BCAS3: variants seen among roughly 807,000 people sequenced by gnomAD.
The protein encoded by BCAS3 is BCAS3 microtubule associated cell migration factor.
A neutral mutation model predicts 116.1 loss-of-function variants in BCAS3; 53 were observed. The observed-to-expected ratio is 0.46, with a 90% CI of 0.37 to 0.57. BCAS3 has a LOEUF of 0.57. BCAS3 is among the 20% of genes least tolerant of loss of function. BCAS3 has a pLI of 0.00. For missense variants in BCAS3, 917 were observed against 1,165.4 expected, an observed-to-expected ratio of 0.79 and a Z score of 3.10; for synonymous variants, 391 against 408.2, an observed-to-expected ratio of 0.96 and a Z score of 0.51.
chr17:60,863,419 G>A (rs2054319508), intron 7 of BCAS3, among the ~76,000 whole-genome samples: 1 of 151,862 alleles, frequency 6.6e-6, no homozygotes, highest in South Asian at 2.1e-4. Context: ...AATAAAGCAA[G>A]TCCCGTTAAT....
At chr17:60,999,491 A>G (rs945188400) in intron 15 of BCAS3, among the ~76,000 whole-genome samples, 1 of 150,928 alleles carries the variant, frequency 6.6e-6, no homozygotes, top group Non-Finnish European at 1.5e-5. Flanking sequence ...CAGTGAGCTG[A>G]ATGTTGCAGT....
chr17:60,902,823 A>G, intron 11 of BCAS3, 120 bp downstream of exon 11: 1 of 781,772 alleles, frequency 1.3e-6, no homozygotes, highest in South Asian at 1.8e-5. Flanking sequence ...AATTTTAAAG[A>G]TTTTAAGTCT....
At chr17:60,864,962 T>G (rs551708355) in intron 7 of BCAS3, among the ~76,000 whole-genome samples, 3 of 152,274 alleles carry the variant, frequency 2.0e-5, no homozygotes, top group Admixed American at 6.5e-5. Context: ...ATTTATTGAT[T>G]AAATTTACCG....
chr17:60,709,075 T>G, intron 4 of BCAS3, 144 bp from the exon 5 acceptor site: 4 of 527,016 alleles, frequency 7.6e-6, no homozygotes, highest in Non-Finnish European at 1.4e-5. Context: ...ATGGACAACT[T>G]TGAGAATTCT....
intron 6 of BCAS3, among the ~76,000 whole-genome samples, chr17:60,806,951 T>C (rs1195804204): frequency 2.0e-5 from 3 of 152,170 alleles, no homozygotes; most frequent in Non-Finnish European, 4.4e-5. Flanking sequence ...TTATGTGGAC[T>C]TAGGACTTGA....
rs112810713 is a variant in BCAS3, at chr17:60,994,621, A to G, written c.1486+4386A>G. 0.041 allele frequency among the ~76,000 whole-genome samples: 6,235 copies of G among 152,228 alleles called. 464 individuals carry two copies. The highest frequency in any genetic ancestry group is 0.14 in the African/African-American group (5,853 of 41,504). On this transcript the variant is annotated intron_variant, in intron 15 of 23. Transcript: ENST00000407086. This position sits in a 1 kb window ranked among gnomAD's most constrained non-coding sequence, Gnocchi z 4.4. Reference sequence around the variant, plus strand: ...TTCCTAGAAGGTTAGAAAATGTCCTATCTTATTTCCAGCTTCTTGTCTAAC... The same window carrying G: ...TTCCTAGAAGGTTAGAAAATGTCCTGTCTTATTTCCAGCTTCTTGTCTAAC...
intron 22 of BCAS3, among the ~76,000 whole-genome samples, chr17:61,218,555 T>C (rs740719): frequency 0.03 from 4,640 of 152,306 alleles, 236 homozygotes; most frequent in African/African-American, 0.1. Flanking sequence ...GGCACAGGGA[T>C]GGATCTGCAC....
At chr17:60,697,122 C>T (rs2035697523) in intron 4 of BCAS3, among the ~76,000 whole-genome samples, 2 of 151,926 alleles carry the variant, frequency 1.3e-5, no homozygotes, top group Admixed American at 6.6e-5. Flanking sequence ...CCCAGGAGGT[C>T]GAGGCTTCAG....
intron 22 of BCAS3, among the ~76,000 whole-genome samples, chr17:61,137,171 C>T (rs1379378989): frequency 6.6e-6 from 1 of 152,044 alleles, no homozygotes; most frequent in Non-Finnish European, 1.5e-5. Flanking sequence ...TGACTTCAAA[C>T]CTGGGAAGTT....
intron 22 of BCAS3, among the ~76,000 whole-genome samples, chr17:61,212,283 G>A (rs974258856): frequency 3.9e-5 from 6 of 152,030 alleles, no homozygotes; most frequent in African/African-American, 1.5e-4. Context: ...TGTCACCCAG[G>A]CTGGAGTGCA....
At chr17:60,972,108 G>T (rs1424961155) in intron 14 of BCAS3, among the ~76,000 whole-genome samples, 1 of 152,204 alleles carries the variant, frequency 6.6e-6, no homozygotes, top group Non-Finnish European at 1.5e-5. Context: ...CTGTTGTGCA[G>T]TTGTCCCACT....
At chr17:61,184,496 A>G (rs537089616) in intron 22 of BCAS3, among the ~76,000 whole-genome samples, 1 of 152,314 alleles carries the variant, frequency 6.6e-6, no homozygotes, top group Non-Finnish European at 1.5e-5. Flanking sequence ...CTTACACTGT[A>G]CATTGTTTTG....
chr17:61,045,739 T>G (rs868400832), intron 19 of BCAS3, among the ~76,000 whole-genome samples: 1 of 134,408 alleles, frequency 7.4e-6, no homozygotes, highest in East Asian at 2.1e-4. Context: ...TCGCTTGAAC[T>G]CAGGAGTTGG....
rs1339351332 is a variant in BCAS3, at chr17:61,008,894, CA to C, written c.1487-6856del. ...TGTCTTCTGAGGAGTGCCAGAGAGT[CA>C]CATTGACCTCGGGCTTCAGTGTGGC... On this transcript the variant is annotated intron_variant, in intron 15 of 23. Coordinates refer to ENST00000407086, the MANE Select transcript of BCAS3 (RefSeq NM_017679.5). This position sits in a 1 kb window ranked among gnomAD's most constrained non-coding sequence, Gnocchi z 4.6. Among the ~76,000 whole-genome samples the C allele has an allele frequency of 6.6e-6, 1 of 151,894 alleles. No individual in the cohort carries two copies. Among genetic ancestry groups the C allele is most frequent in the South Asian group, 2.1e-4 (1 of 4,826 alleles).
chr17:61,014,405 C>T (rs962570268), intron 15 of BCAS3, among the ~76,000 whole-genome samples: 11 of 151,952 alleles, frequency 7.2e-5, no homozygotes, highest in African/African-American at 2.7e-4. Context: ...TGGATCAATG[C>T]AGGAATAGAA....
chr17:61,055,535 G>A (rs1285824779), intron 19 of BCAS3, among the ~76,000 whole-genome samples: 1 of 152,120 alleles, frequency 6.6e-6, no homozygotes, highest in Non-Finnish European at 1.5e-5. Context: ...TTTATAATAA[G>A]TGACCTCTGC....
At chr17:60,820,431 G>T (rs1221984969) in intron 7 of BCAS3, among the ~76,000 whole-genome samples, 1 of 152,136 alleles carries the variant, frequency 6.6e-6, no homozygotes, top group East Asian at 1.9e-4. Flanking sequence ...GGTCCAGAGA[G>T]CCCACTGATG....
chr17:61,247,967 G>C (rs2048104313), intron 22 of BCAS3, among the ~76,000 whole-genome samples: 1 of 152,192 alleles, frequency 6.6e-6, no homozygotes, highest in East Asian at 1.9e-4. Context: ...GCATTGAAAG[G>C]CTGTCACATT....
At chr17:60,976,019 G>GTTTTTTTTTTT (rs1491166073) in intron 14 of BCAS3, among the ~76,000 whole-genome samples, 1 of 17,492 alleles carries the variant, frequency 5.7e-5, no homozygotes, top group African/African-American at 1.9e-4. Flanking sequence ...ATAGATTTTT[G>GTTTTTTTTTTT]CTTTTTTTTT....
Sources: gnomAD v4.1 joint callset for allele counts (sites outside exome capture counted in the v4.1 genomes callset) on GRCh38, gnomAD v4.1.1 for gene constraint, Gnocchi (gnomAD v3.1) non-coding constraint, MANE v1.5 for transcripts, NCBI Gene and HGNC (gene_info 2026-07-23, HGNC 2026-07-21) for gene names.